The following RBFOX1 variants were observed in gnomAD, a reference collection of about 807,000 sequenced individuals.
RBFOX1 encodes the protein RNA binding fox-1 homolog 1, also known as RNA binding protein fox-1 homolog 1.
A neutral mutation model predicts 57.7 loss-of-function variants in RBFOX1; 8 were observed. The observed-to-expected ratio is 0.14, with a 90% confidence interval of 0.08 to 0.25. The LOEUF (loss-of-function observed/expected upper bound fraction) is 0.25. Ranked by LOEUF, RBFOX1 falls within the 10% of genes least tolerant of loss-of-function variation. The probability of loss-of-function intolerance (pLI) is 1.00; values close to 1 mark genes in which losing one functional copy is unlikely to be tolerated. For synonymous variants in RBFOX1, 326 were observed against 222.4 expected (o/e 1.47, Z -4.15); for missense variants, 611 against 548.5 (o/e 1.11, Z -1.14).
chr16:6,844,235 A>G (rs558261445), intron 3 of RBFOX1, among the ~76,000 whole-genome samples: 2 of 150,900 alleles, frequency 1.3e-5, no homozygotes, highest in South Asian at 4.2e-4. Flanking sequence ...CATGTGCAGG[A>G]TGTACAGATT....
At chr16:7,060,520 C>G (rs149571989) in intron 4 of RBFOX1, among the ~76,000 whole-genome samples, 105 of 152,312 alleles carry the variant, frequency 6.9e-4, no homozygotes, top group African/African-American at 2.3e-3. Context: ...TAAATACCTT[C>G]TGCCATTCTC....
At chr16:6,657,607 T>C (rs918041379) in intron 3 of RBFOX1, among the ~76,000 whole-genome samples, 2 of 152,180 alleles carry the variant, frequency 1.3e-5, no homozygotes, top group African/African-American at 2.4e-5. Flanking sequence ...TGACAGTTGC[T>C]CACGCACGTG....
intron 1 of RBFOX1, among the ~76,000 whole-genome samples, chr16:5,435,555 G>A (rs1192038830): frequency 6.6e-6 from 1 of 152,134 alleles, no homozygotes; most frequent in Non-Finnish European, 1.5e-5. Flanking sequence ...TCCAGTGTTC[G>A]GGCAAATGTC....
At chr16:6,050,223 G>A (rs1740817231) in intron 1 of RBFOX1, among the ~76,000 whole-genome samples, 1 of 152,136 alleles carries the variant, frequency 6.6e-6, no homozygotes, top group African/African-American at 2.4e-5. Flanking sequence ...GCCTTCCAAA[G>A]TGCTGGGATT....
intron 1 of RBFOX1, among the ~76,000 whole-genome samples, chr16:6,180,521 T>G (rs970194848): frequency 1.3e-5 from 2 of 151,926 alleles, no homozygotes; most frequent in East Asian, 3.9e-4. Flanking sequence ...TTTTTTTTTC[T>G]TGGTCATTCT....
chr16:6,864,002 T>G (rs867812243), intron 3 of RBFOX1, among the ~76,000 whole-genome samples: 1,630 of 151,172 alleles, frequency 0.011, 12 homozygotes, highest in African/African-American at 0.026. Flanking sequence ...TTTTTTTTTT[T>G]TTGTTGAGAT....
intron 3 of RBFOX1, among the ~76,000 whole-genome samples, chr16:6,716,643 A>G (rs1488458124): frequency 6.6e-6 from 1 of 152,132 alleles, no homozygotes; most frequent in Non-Finnish European, 1.5e-5. Flanking sequence ...CTTGGACCCC[A>G]GGTATCTGCC....
At chr16:7,184,250 G>A (rs1223729430) in intron 4 of RBFOX1, among the ~76,000 whole-genome samples, 1 of 152,202 alleles carries the variant, frequency 6.6e-6, no homozygotes, top group Non-Finnish European at 1.5e-5. Flanking sequence ...CTTATAGCAA[G>A]GGGGTTGAAT....
chr16:6,439,798 C>A (rs1004858702), intron 2 of RBFOX1, among the ~76,000 whole-genome samples: 1 of 152,100 alleles, frequency 6.6e-6, no homozygotes, highest in African/African-American at 2.4e-5. Context: ...TTCCACATTA[C>A]AAACACACCT....
At chr16:6,194,855 T>C (rs574264144) in intron 1 of RBFOX1, among the ~76,000 whole-genome samples, 3 of 152,364 alleles carry the variant, frequency 2.0e-5, no homozygotes, top group Non-Finnish European at 2.9e-5. Flanking sequence ...GTGATTAATA[T>C]GGTATGTCAT....
intron 2 of RBFOX1, among the ~76,000 whole-genome samples, chr16:6,387,189 C>G (rs1399165424): frequency 6.6e-6 from 1 of 152,188 alleles, no homozygotes; most frequent in Non-Finnish European, 1.5e-5. Context: ...TAAGGCAGTT[C>G]TTGTAAGTTC....
At position 6,843,815 on chromosome 16, in the gene RBFOX1, A is replaced by C. The variant is rs1018230860; in HGVS notation, c.-16+189165A>C. Among the ~76,000 whole-genome samples, 14 of 152,200 alleles carry C rather than the reference A, an allele frequency of 9.2e-5. No homozygotes were observed. The East Asian group carries it at 2.5e-3, about 27-fold the overall frequency. ...CATGCCAAAAGAAATAACAAAAACAAGATTTGACCCTTAGGTTGAAGTTCT... is the reference window on the plus strand; with the variant it reads ...CATGCCAAAAGAAATAACAAAAACACGATTTGACCCTTAGGTTGAAGTTCT... On this transcript the variant is annotated intron_variant, in intron 3 of 15. Transcript: ENST00000550418.
At chr16:5,761,331 A>C (rs1009732713) in intron 3 of RBFOX1, among the ~76,000 whole-genome samples, 3 of 152,210 alleles carry the variant, frequency 2.0e-5, no homozygotes, top group African/African-American at 7.2e-5. Context: ...ACTCAGCTGC[A>C]AAGAGATAGA....
intron 3 of RBFOX1, among the ~76,000 whole-genome samples, chr16:6,796,899 T>G (rs1269135070): frequency 6.6e-6 from 1 of 152,190 alleles, no homozygotes; most frequent in African/African-American, 2.4e-5. Context: ...AATGTACCTA[T>G]GTCTCCACCC....
chr16:7,314,089 A>C (rs568463771), intron 4 of RBFOX1, among the ~76,000 whole-genome samples: 1 of 152,136 alleles, frequency 6.6e-6, no homozygotes, highest in Non-Finnish European at 1.5e-5. Context: ...GCAACAAACC[A>C]TGAGGCTTTT....
intron 4 of RBFOX1, among the ~76,000 whole-genome samples, chr16:5,979,632 C>T (rs1008066217): frequency 1.3e-4 from 20 of 152,192 alleles, no homozygotes; most frequent in African/African-American, 3.9e-4. Flanking sequence ...GGGAGTACGA[C>T]GCAGATGGAT....
At chr16:7,533,006 C>T (rs2080509951) in intron 5 of RBFOX1, among the ~76,000 whole-genome samples, 1 of 152,254 alleles carries the variant, frequency 6.6e-6, no homozygotes, top group East Asian at 1.9e-4. Flanking sequence ...AATAAGCTGG[C>T]TTTGATTAAA....
At position 5,818,386 on chromosome 16, in the gene RBFOX1, A is replaced by G. The variant is rs549451806; in HGVS notation, c.319-48917A>G. Reference sequence around the variant, plus strand: ...CGCACTCCCCATATGAGGGGATACCATTGTGTCCTATTTCCTGCTCTTGGG... The same window carrying G: ...CGCACTCCCCATATGAGGGGATACCGTTGTGTCCTATTTCCTGCTCTTGGG... On this transcript the variant is annotated intron_variant, in intron 3 of 19. Coordinates refer to the RBFOX1 transcript ENST00000641259. 3.3e-5 allele frequency among the ~76,000 whole-genome samples: 5 copies of G among 152,274 alleles called. No individual in the cohort carries two copies. The East Asian group carries it at 9.7e-4, about 30-fold the overall frequency.
intron 4 of RBFOX1, among the ~76,000 whole-genome samples, chr16:7,214,034 C>T (rs550749142): frequency 1.1e-3 from 160 of 152,004 alleles, no homozygotes; most frequent in African/African-American, 3.7e-3. Flanking sequence ...CTCCCCTTTG[C>T]CTAGAAACTG....
Sources: gnomAD v4.1 joint callset for allele counts (sites outside exome capture counted in the v4.1 genomes callset) on GRCh38, gnomAD v4.1.1 for gene constraint, MANE v1.5 for transcripts, NCBI Gene and HGNC (gene_info 2026-07-23, HGNC 2026-07-21) for gene names.